Variants in BCAS4 observed in about 807,000 individuals in gnomAD.
BCAS4 encodes breast carcinoma amplified sequence 4, also known as breast carcinoma-amplified sequence 4.
A neutral mutation model predicts 15.7 loss-of-function variants in BCAS4; 9 were observed. The ratio of observed to expected loss-of-function variants is 0.57; its 90% confidence interval spans 0.34 to 1.00. The LOEUF (loss-of-function observed/expected upper bound fraction) is 1.00. Ranked by LOEUF, BCAS4 falls within the 50% of genes least tolerant of loss-of-function variation. The probability of loss-of-function intolerance (pLI) is 0.02; values close to 1 mark genes in which losing one functional copy is unlikely to be tolerated. For missense variants in BCAS4, 225 were observed against 239.1 expected (o/e 0.94, Z 0.39); for synonymous variants, 101 against 99.5 (o/e 1.02, Z -0.09).
At position 50,830,304 on chromosome 20, in the gene BCAS4, T is replaced by C; in HGVS notation, c.188T>C (p.Leu63Pro). The C allele has an allele frequency of 8.1e-6, 13 of 1,614,028 alleles. No homozygotes were observed. Among genetic ancestry groups the C allele is most frequent in the African/African-American group, 1.3e-5 (1 of 75,056 alleles). ...DLIRSDTSQI[L>P]EENIPVLKAK... is the part of the protein sequence containing the mutation. The stretch of plus-strand genomic sequence containing the variant: ...ATCAGGAGTGATACTTCACAGATCC[T>C]GGAGGAAAACATCCCAGTCCTTAAG... Residue 63 changes from leucine to proline, a missense_variant, in exon 3 of 5, where the codon CTG (leucine) becomes CCG (proline). Coordinates refer to ENST00000371608, the MANE Select transcript of BCAS4 (RefSeq NM_198799.4).
chr20:50,842,599 G>A (rs1359584424), intron 4 of BCAS4, among the ~76,000 whole-genome samples: 1 of 152,168 alleles, frequency 6.6e-6, no homozygotes, highest in East Asian at 1.9e-4. Context: ...TGTATTTTTA[G>A]TAGAGATGGG....
intron 1 of BCAS4, among the ~76,000 whole-genome samples, chr20:50,796,476 TATATATATATA>T (rs1480965038): frequency 1.0e-3 from 14 of 13,894 alleles, no homozygotes; most frequent in African/African-American, 3.2e-3. Flanking sequence ...TATATATATA[TATATATATATA>T]TTTTTTTTTT....
At chr20:50,827,535 T>G (rs1444007756) in intron 2 of BCAS4, among the ~76,000 whole-genome samples, 1 of 152,248 alleles carries the variant, frequency 6.6e-6, no homozygotes, top group Non-Finnish European at 1.5e-5. Context: ...GATCTAATAC[T>G]ATGTTAATTT....
At chr20:50,848,185 GT>G (rs1386030083) in intron 4 of BCAS4, among the ~76,000 whole-genome samples, 2 of 152,208 alleles carry the variant, frequency 1.3e-5, no homozygotes, top group Non-Finnish European at 2.9e-5. Flanking sequence ...GAGCCCAGGA[GT>G]TCAAGGCTGC....
intron 4 of BCAS4, chr20:50,875,925 T>A (rs1371717174): frequency 2.2e-6 from 1 of 456,078 alleles, no homozygotes; most frequent in Non-Finnish European, 4.4e-6. Context: ...AGTCCTCCTC[T>A]GCCAGAACAT....
At chr20:50,860,981 C>G (rs1350422246) in intron 4 of BCAS4, among the ~76,000 whole-genome samples, 1 of 149,402 alleles carries the variant, frequency 6.7e-6, no homozygotes, top group Non-Finnish European at 1.5e-5. Context: ...GGTGACAGAG[C>G]AAGACCCGGT....
At chr20:50,799,637 G>T (rs2087904695) in intron 1 of BCAS4, among the ~76,000 whole-genome samples, 2 of 152,230 alleles carry the variant, frequency 1.3e-5, no homozygotes, top group African/African-American at 4.8e-5. Flanking sequence ...GGGCCTCCCT[G>T]TGAAGTGGGG....
Position 50,864,250 on chromosome 20 carries a change from C to T in BCAS4, c.400-12236C>T, listed in dbSNP as rs574296454. Reference sequence around the variant, plus strand: ...GGGCCTGATTGCATGGGTTTGCACACTCCAGAGGCCGGCCTGGTCTGTTGT... The same window carrying T: ...GGGCCTGATTGCATGGGTTTGCACATTCCAGAGGCCGGCCTGGTCTGTTGT... On this transcript the variant is annotated intron_variant, in intron 4 of 4. Transcript: ENST00000371608. 5.3e-5 allele frequency among the ~76,000 whole-genome samples: 8 copies of T among 152,268 alleles called. No individual in the cohort carries two copies. The East Asian group carries it at 1.2e-3, about 22-fold the overall frequency.
At chr20:50,856,000 A>G (rs1203510668) in intron 4 of BCAS4, among the ~76,000 whole-genome samples, 1 of 152,220 alleles carries the variant, frequency 6.6e-6, no homozygotes, top group African/African-American at 2.4e-5. Flanking sequence ...AGGCTGGGAA[A>G]GGCCTGCGGG....
intron 1 of BCAS4, among the ~76,000 whole-genome samples, chr20:50,812,575 G>C (rs2088084480): frequency 6.6e-6 from 1 of 151,834 alleles, no homozygotes; most frequent in Non-Finnish European, 1.5e-5. Context: ...AAGTAGCTGA[G>C]ACTACAGGCT....
chr20:50,861,846 C>CTTTTTTT (rs773052138), intron 4 of BCAS4, among the ~76,000 whole-genome samples: 4 of 109,248 alleles, frequency 3.7e-5, no homozygotes, highest in Non-Finnish European at 5.3e-5. Context: ...TCTTCTTCTC[C>CTTTTTTT]TTTTTTTTTT....
intron 3 of BCAS4, among the ~76,000 whole-genome samples, chr20:50,836,630 T>C (rs1011424905): frequency 6.6e-6 from 1 of 152,214 alleles, no homozygotes; most frequent in African/African-American, 2.4e-5. Flanking sequence ...AAGTCCACCC[T>C]GCCCTCAGAA....
intron 2 of BCAS4, among the ~76,000 whole-genome samples, chr20:50,823,106 G>A (rs1351530079): frequency 3.3e-5 from 5 of 151,914 alleles, no homozygotes; most frequent in Admixed American, 2.0e-4. Context: ...TTGGGAGGCC[G>A]AGGCGGGTGG....
intron 1 of BCAS4, among the ~76,000 whole-genome samples, chr20:50,799,831 G>A (rs543927324): frequency 2.4e-4 from 37 of 152,256 alleles, no homozygotes; most frequent in African/African-American, 8.2e-4. Context: ...TGAGGTGGGC[G>A]GATCCTTTGT....
intron 4 of BCAS4, among the ~76,000 whole-genome samples, chr20:50,870,771 C>T (rs1285303826): frequency 1.3e-5 from 2 of 152,250 alleles, no homozygotes; most frequent in African/African-American, 4.8e-5. Context: ...GGCCTGTGCC[C>T]TGCAGGTCTG....
chr20:50,852,465 T>A (rs1234609475), intron 4 of BCAS4, among the ~76,000 whole-genome samples: 1 of 152,154 alleles, frequency 6.6e-6, no homozygotes, highest in East Asian at 1.9e-4. Context: ...CGCTGCAACC[T>A]CTTCCTCCCA....
chr20:50,823,121 C>T (rs908503849), intron 2 of BCAS4, among the ~76,000 whole-genome samples: 2 of 151,802 alleles, frequency 1.3e-5, no homozygotes, highest in Non-Finnish European at 1.5e-5. Flanking sequence ...GGGTGGATCA[C>T]CTGAGGTCAG....
intron 1 of BCAS4, 29 bp from the exon 2 acceptor site, chr20:50,818,182 T>G: frequency 6.2e-7 from 1 of 1,604,550 alleles, no homozygotes; most frequent in Non-Finnish European, 8.5e-7. Flanking sequence ...AACCACTTGC[T>G]AATCTCCAGG....
At chr20:50,818,374 T>C in intron 2 of BCAS4, 92 bp downstream of exon 2, 1 of 1,294,498 alleles carries the variant, frequency 7.7e-7, no homozygotes, top group South Asian at 1.3e-5. Flanking sequence ...TGGTGGTGAG[T>C]TAGCAACCAG....
Sources: allele counts gnomAD v4.1 joint callset (sites outside exome capture counted in the v4.1 genomes callset), GRCh38; gene constraint gnomAD v4.1.1; transcripts MANE v1.5; gene names NCBI Gene and HGNC (gene_info 2026-07-23, HGNC 2026-07-21).